The following GSK3A variants were observed in gnomAD, a reference collection of about 807,000 sequenced individuals.
GSK3A encodes the protein glycogen synthase kinase-3 alpha.
A neutral mutation model predicts 56.6 loss-of-function variants in GSK3A; 14 were observed. The observed-to-expected ratio is 0.25, with a 90% CI of 0.16 to 0.39. The LOEUF (loss-of-function observed/expected upper bound fraction) is 0.39. Among genes scored for constraint, GSK3A ranks in the 10% least tolerant of loss-of-function variants. The pLI is 1.00. For missense variants in GSK3A, 450 were observed against 656.0 expected (o/e 0.69, Z 3.43); for synonymous variants, 301 against 285.0 (o/e 1.06, Z -0.56).
intron 2 of GSK3A, 103 bp from the exon 3 acceptor site, chr19:42,237,044 C>A (rs1036493962): frequency 6.2e-6 from 5 of 808,632 alleles, no homozygotes; most frequent in South Asian, 1.4e-5. Context: ...CTCCCTGTGT[C>A]CCAGCTCCAA....
Position 42,234,768 on chromosome 19 carries a change from G to C in GSK3A, c.667-90C>G, listed in dbSNP as rs1011236470. 1.6e-5 allele frequency: 22 copies of C among 1,334,502 alleles called. No individual in the cohort carries two copies. The highest frequency in any genetic ancestry group is 1.9e-5 in the Non-Finnish European group (19 of 1,001,076). 82.7% of individuals were successfully genotyped at this position (1,334,502 alleles called of 1,614,324 possible). On this transcript the variant is annotated intron_variant, in intron 4 of 10. Coordinates refer to ENST00000222330, the MANE Select transcript of GSK3A (RefSeq NM_019884.3). This position sits in a 1 kb window ranked among gnomAD's most constrained non-coding sequence, Gnocchi z 5.7. ...CAGCTTGGCCTGAAGAGCCCTTCCA[G>C]GCCCACTCTCCCTGCTGCCCCCACA...
In GSK3A at chr19:42,234,227, A is replaced by C; in HGVS notation, c.904+126T>G. ...AGCATTCAACAGCATCAGCCTCCTAAGTTTGTGAGGACTGGATACAAGAAC... is the reference window on the plus strand; with the variant it reads ...AGCATTCAACAGCATCAGCCTCCTACGTTTGTGAGGACTGGATACAAGAAC... On this transcript the variant is annotated intron_variant, in intron 6 of 10. Coordinates refer to ENST00000222330, the MANE Select transcript of GSK3A (RefSeq NM_019884.3). The surrounding 1 kb of genome is among the most constrained non-coding windows in gnomAD (Gnocchi z 5.7). 1.4e-6 allele frequency: 1 copy of C among 730,712 alleles called. No homozygotes were observed. The highest frequency in any genetic ancestry group is 2.4e-6 in the Non-Finnish European group (1 of 410,736). 45.3% of individuals were successfully genotyped at this position (730,712 alleles called of 1,614,324 possible). A position where few individuals can be genotyped will look rare whatever the true frequency, so the allele number is the denominator to read the frequency against.
At chr19:42,231,138 G>T (rs918894845) in intron 10 of GSK3A, among the ~76,000 whole-genome samples, 2 of 151,996 alleles carry the variant, frequency 1.3e-5, no homozygotes, top group Non-Finnish European at 2.9e-5. Flanking sequence ...GAGGTGGGCA[G>T]ATCACAAGGT....
At chr19:42,233,255 A>ACCCCCAGGCCCCCCCCCCCCCCCCCCC in intron 7 of GSK3A, 31 bp downstream of exon 7, 4 of 1,197,312 alleles carry the variant, frequency 3.3e-6, no homozygotes, top group East Asian at 2.5e-5. Flanking sequence ...CCTCAGCCCC[A>ACCCCCAGGCCCCCCCCCCCCCCCCCCC]CCCCCTGCCC....
Position 42,242,594 on chromosome 19 carries a change from C to T in GSK3A, c.-129G>A, listed in dbSNP as rs1489444096. 9.6e-5 allele frequency: 74 copies of T among 772,168 alleles called. No individual in the cohort carries two copies. The highest frequency in any genetic ancestry group is 1.2e-4 in the Non-Finnish European group (70 of 574,858). The allele number at this position is 772,168 out of a possible 1,614,324, so 47.8% of individuals were successfully genotyped here. ...GCCGCTCTGGCTTGGGCTCCGGCTC[C>T]GGCCCAGCGCCCGCCGCGGGGCACG... On this transcript the variant is annotated 5_prime_UTR_variant, in exon 1 of 11. Transcript: ENST00000222330.
chr19:42,241,368 A>T (rs914557528), intron 1 of GSK3A: 6 of 151,638 alleles, frequency 4.0e-5, no homozygotes, highest in Admixed American at 3.9e-4. Flanking sequence ...TTTTTTTTTC[A>T]GAGCCAATGA....
chr19:42,236,769 G>T, intron 3 of GSK3A, 53 bp from the exon 4 acceptor site: 1 of 1,516,278 alleles, frequency 6.6e-7, no homozygotes, highest in South Asian at 1.1e-5. Flanking sequence ...TGAGGAGGGG[G>T]AAGGAAGGTA....
rs955309673 is a variant in GSK3A at position 42,242,528 on chromosome 19, C to A, written c.-63G>T. ...GCCCGGGCTGCCCCAGCCGCCGCCG[C>A]TGCCGCCGCCTCCCCCGGGCCCTGG... On this transcript the variant is annotated 5_prime_UTR_variant, in exon 1 of 11. Transcript: ENST00000222330. The A allele has an allele frequency of 3.8e-5, 38 of 1,002,666 alleles. No individual in the cohort carries two copies. The highest frequency in any genetic ancestry group is 4.3e-5 in the Non-Finnish European group (36 of 836,670). 62.1% of individuals were successfully genotyped at this position (1,002,666 alleles called of 1,614,324 possible).
At position 42,232,487 on chromosome 19, in the gene GSK3A, T is replaced by C; in HGVS notation, c.1285+9A>G. 6.2e-7 allele frequency: 1 copy of C among 1,613,546 alleles called. No homozygotes were observed. Among genetic ancestry groups the C allele is most frequent in the Non-Finnish European group, 8.5e-7 (1 of 1,179,584 alleles). ...GCCCCACTCCCCAGATCCCAGGCTATGCCCTCACCACCAGCACTGAAGTTG... is the reference window on the plus strand; with the variant it reads ...GCCCCACTCCCCAGATCCCAGGCTACGCCCTCACCACCAGCACTGAAGTTG... On this transcript the variant is annotated intron_variant, in intron 9 of 10. Transcript: ENST00000222330.
chr19:42,232,654 G>C lies in GSK3A; in HGVS notation c.1127C>G (p.Ala376Gly), dbSNP rs779920504. ...KVFKSRTPPE[A>G]IALCSSLLEY... Reference sequence around the variant, plus strand: ...CAGCAGGCTAGAGCAGAGCGCGATGGCCTCTGGCGGCGTTCGAGATTTGAA... The same window carrying C: ...CAGCAGGCTAGAGCAGAGCGCGATGCCCTCTGGCGGCGTTCGAGATTTGAA... The change falls in exon 9 of 11, where the codon GCC becomes GGC. Residue 376 changes from alanine (A) to glycine (G), a missense_variant. Coordinates refer to ENST00000222330, the MANE Select transcript of GSK3A (RefSeq NM_019884.3). 6.3e-7 allele frequency: 1 copy of C among 1,592,652 alleles called. No individual in the cohort carries two copies. Among genetic ancestry groups the C allele is most frequent in the Non-Finnish European group, 8.6e-7 (1 of 1,166,836 alleles).
Position 42,240,143 on chromosome 19 carries a change from C to T in GSK3A, c.284-1G>A. The T allele has an allele frequency of 6.2e-7, 1 of 1,614,032 alleles. No individual in the cohort carries two copies. The highest frequency in any genetic ancestry group is 8.5e-7 in the Non-Finnish European group (1 of 1,179,878). On this transcript the variant is annotated splice_acceptor_variant, in intron 1 of 10. Coordinates refer to ENST00000222330, the MANE Select transcript of GSK3A (RefSeq NM_019884.3). LOFTEE classifies it high-confidence loss of function. ...ACTGTGGTCACCTTCCCGCTGTCAC[C>T]TGGGGAACAAAGGGGATACACGATC...
At chr19:42,235,697 G>T (rs944569562) in intron 4 of GSK3A, among the ~76,000 whole-genome samples, 5 of 152,164 alleles carry the variant, frequency 3.3e-5, no homozygotes, top group Non-Finnish European at 7.4e-5. Flanking sequence ...GCTCCTTCTG[G>T]TATGGCAGCA....
intron 1 of GSK3A, 47 bp downstream of exon 1, chr19:42,242,136 T>C: frequency 4.6e-6 from 6 of 1,298,936 alleles, no homozygotes; most frequent in Non-Finnish European, 5.9e-6. Context: ...TCTGAGGAGC[T>C]TTGGGAACCC....
In GSK3A at chr19:42,242,367, G is replaced by A. The variant is rs780371709; in HGVS notation, c.99C>T (p.Gly33=). ...AEPGGGGGGG[G]GGPGGSASGP... is the part of the protein sequence containing the mutation. The stretch of plus-strand genomic sequence containing the variant: ...CGGAGGCCGAGCCTCCGGGGCCGCC[G>A]CCGCCTCCTCCGCCTCCGCCGCCGG... Residue 33 remains glycine, a synonymous_variant, in exon 1 of 11, where the codon GGC becomes GGT. Coordinates refer to ENST00000222330, the MANE Select transcript of GSK3A (RefSeq NM_019884.3). The A allele has an allele frequency of 4.3e-6, 6 of 1,400,626 alleles. No individual in the cohort carries two copies. The highest frequency in any genetic ancestry group is 6.3e-5 in the East Asian group (2 of 31,856). The allele number at this position is 1,400,626 out of a possible 1,614,324, so 86.8% of individuals were successfully genotyped here.
chr19:42,239,796 G>T (rs1251146348), intron 2 of GSK3A, among the ~76,000 whole-genome samples, 159 bp downstream of exon 2: 1 of 152,152 alleles, frequency 6.6e-6, no homozygotes, highest in African/African-American at 2.4e-5. Flanking sequence ...GCTCTCCTGG[G>T]ATCCACATTT....
In GSK3A at chr19:42,242,202, C is replaced by T; in HGVS notation, c.264G>A (p.Pro88=). 7.0e-7 allele frequency: 1 copy of T among 1,435,356 alleles called. No homozygotes were observed. Among genetic ancestry groups the T allele is most frequent in the Non-Finnish European group, 9.1e-7 (1 of 1,098,490 alleles). 88.9% of individuals were successfully genotyped at this position (1,435,356 alleles called of 1,614,324 possible). The part of the protein sequence containing the change: ...GGPGAGTSFP[P]PGVKLGRDSG... ...ACTCACGGCCCAGCTTCACCCCGGG[C>T]GGCGGGAAGCTAGTGCCTGCGCCGG... The change falls in exon 1 of 11, where the codon CCG becomes CCA. Residue 88 remains proline, a synonymous_variant. Coordinates refer to ENST00000222330, the MANE Select transcript of GSK3A (RefSeq NM_019884.3).
chr19:42,242,509 G>A lies in GSK3A; in HGVS notation c.-44C>T. ...AGGCTGCGGGGCTCGGGCTGCCCGG[G>A]CTGCCCCAGCCGCCGCCGCTGCCGC... On this transcript the variant is annotated 5_prime_UTR_variant, in exon 1 of 11. Coordinates refer to ENST00000222330, the MANE Select transcript of GSK3A (RefSeq NM_019884.3). 1 of 1,057,796 alleles carries A rather than the reference G, an allele frequency of 9.5e-7. No homozygotes were observed. Among genetic ancestry groups the A allele is most frequent in the Non-Finnish European group, 1.1e-6 (1 of 878,370 alleles). The allele number at this position is 1,057,796 out of a possible 1,614,324, so 65.5% of individuals were successfully genotyped here. A position where few individuals can be genotyped will look rare whatever the true frequency, so the allele number is the denominator to read the frequency against.
chr19:42,242,235 G>A lies in GSK3A; in HGVS notation c.231C>T (p.Ser77=). The A allele has an allele frequency of 2.8e-6, 4 of 1,441,064 alleles. No individual in the cohort carries two copies. The Admixed American group carries it at 1.1e-4, about 39-fold the overall frequency. The allele number at this position is 1,441,064 out of a possible 1,614,324, so 89.3% of individuals were successfully genotyped here. A position where few individuals can be genotyped will look rare whatever the true frequency, so the allele number is the denominator to read the frequency against. ...GGPGGSGGGG[S]GGPGAGTSFP... ...AGCTAGTGCCTGCGCCGGGGCCTCCGCTGCCTCCTCCGCCGCTGCCGCCGG... is the reference window on the plus strand; with the variant it reads ...AGCTAGTGCCTGCGCCGGGGCCTCCACTGCCTCCTCCGCCGCTGCCGCCGG... The change falls in exon 1 of 11, where the codon AGC becomes AGT. Residue 77 remains serine (S), a synonymous_variant. Transcript: ENST00000222330.
In GSK3A at chr19:42,242,397, C is replaced by A; in HGVS notation, c.69G>T (p.Ala23=). Residue 23 remains alanine (A), a synonymous_variant, in exon 1 of 11, where the codon GCG becomes GCT. Coordinates refer to ENST00000222330, the MANE Select transcript of GSK3A (RefSeq NM_019884.3). The part of the protein sequence containing the change: ...GSGRARTSSF[A]EPGGGGGGGG... ...CTCCTCCGCCTCCGCCGCCGGGCTC[C>A]GCGAACGAGCTAGTCCGCGCCCTGC... 2 of 1,386,354 alleles carry A rather than the reference C, an allele frequency of 1.4e-6. 1 individual carries two copies. The highest frequency in any genetic ancestry group is 1.9e-6 in the Non-Finnish European group (2 of 1,071,364). 85.9% of individuals were successfully genotyped at this position (1,386,354 alleles called of 1,614,324 possible). A position where few individuals can be genotyped will look rare whatever the true frequency, so the allele number is the denominator to read the frequency against.
Sources: allele counts gnomAD v4.1 joint callset (sites outside exome capture counted in the v4.1 genomes callset), GRCh38; gene constraint gnomAD v4.1.1; non-coding constraint Gnocchi (gnomAD v3.1); transcripts MANE v1.5; gene names NCBI Gene and HGNC (gene_info 2026-07-23, HGNC 2026-07-21).